FLYWCH1: variants seen among roughly 807,000 people sequenced by gnomAD.
FLYWCH1 encodes the protein FLYWCH-type zinc finger 1.
FLYWCH1 carries 75 observed loss-of-function variants against 66.4 expected under a neutral mutation model. The ratio of observed to expected loss-of-function variants is 1.13; its 90% CI spans 0.94 to 1.37. The LOEUF is 1.37. Among genes scored for constraint, FLYWCH1 ranks in the 40% most tolerant of loss-of-function variants. FLYWCH1 has a pLI of 0.00. For synonymous variants in FLYWCH1, 595 were observed against 429.9 expected, an observed-to-expected ratio of 1.38 and a Z score of -4.75; for missense variants, 1,334 against 1,001.8, an observed-to-expected ratio of 1.33 and a Z score of -4.48.
In FLYWCH1 at chr16:2,938,535, G is replaced by A. The variant is rs2150990161; in HGVS notation, c.2050+79G>A. On this transcript the variant is annotated intron_variant, in intron 8 of 9. Coordinates refer to ENST00000253928, the MANE Select transcript of FLYWCH1 (RefSeq NM_001308068.2). ...AGCTCAGAACTGATGCCCCAGGCCA[G>A]GCACCCACTGAGCAGACTGCTTTTG... The A allele has an allele frequency of 3.6e-6, 5 of 1,377,038 alleles. No individual in the cohort carries two copies. In the East Asian group the frequency reaches 1.0e-4, roughly 29 times the overall value. The allele number at this position is 1,377,038 out of a possible 1,614,324, so 85.3% of individuals were successfully genotyped here.
rs574927511 is a variant in FLYWCH1, at chr16:2,933,688, C to A, written c.1250-28C>A. The A allele has an allele frequency of 7.5e-6, 12 of 1,601,170 alleles. No individual in the cohort carries two copies. The South Asian group carries it at 1.1e-4, about 15-fold the overall frequency. ...CAGGCCTACCCAGCCCCTGTCCCCT[C>A]CCCTGACTGCCTCTTGAACCTCCCC... On this transcript the variant is annotated intron_variant, in intron 5 of 9. Transcript: ENST00000253928.
At position 2,933,424 on chromosome 16, in the gene FLYWCH1, C is replaced by A. The variant is rs768508975; in HGVS notation, c.1091C>A (p.Thr364Lys). 3 of 1,601,080 alleles carry A rather than the reference C, an allele frequency of 1.9e-6. No individual in the cohort carries two copies. The highest frequency in any genetic ancestry group is 2.6e-6 in the Non-Finnish European group (3 of 1,174,638). The change falls in exon 5 of 10, where the codon ACG becomes AAG. Residue 364 changes from threonine to lysine, a missense_variant. Thr to Lys is a moderately conservative substitution (Grantham distance 78). Transcript: ENST00000253928. ...GACGGCCCTGGGAGCCAAGTGGACACGCTGCTCCGAGGCGTGGATAGTTTG... is the reference window on the plus strand; with the variant it reads ...GACGGCCCTGGGAGCCAAGTGGACAAGCTGCTCCGAGGCGTGGATAGTTTG... ...GQDGPGSQVD[T>K]LLRGVDSLLY...
Position 2,937,288 on chromosome 16 carries a change from G to T in FLYWCH1, c.1681G>T (p.Val561Phe). Residue 561 changes from valine (V) to phenylalanine (F), a missense_variant, in exon 7 of 10, where the codon GTC (valine) becomes TTC (phenylalanine). Physicochemically the swap from Val to Phe is conservative, Grantham distance 50. Transcript: ENST00000253928. ...RAITQGRRVM[V>F]MRRHCHPPDL... ...CATCACCCAGGGCCGGCGGGTCATG[G>T]TCATGCGCAGGCACTGCCACCCACC... 6.2e-7 allele frequency: 1 copy of T among 1,604,604 alleles called. No individual in the cohort carries two copies. Among genetic ancestry groups the T allele is most frequent in the Non-Finnish European group, 8.5e-7 (1 of 1,176,706 alleles).
chr16:2,929,684 G>A lies in FLYWCH1; in HGVS notation c.-2G>A. 1 of 1,609,106 alleles carries A rather than the reference G, an allele frequency of 6.2e-7. No individual in the cohort carries two copies. Among genetic ancestry groups the A allele is most frequent in the South Asian group, 1.1e-5 (1 of 90,548 alleles). On this transcript the variant is annotated 5_prime_UTR_variant, in exon 3 of 10. Transcript: ENST00000253928. Reference sequence around the variant, plus strand: ...CCTGAGGGACAGGCCCTGGGTCCCGGGATGCCCCTGCCCGAGCCCAGCGAG... The same window carrying A: ...CCTGAGGGACAGGCCCTGGGTCCCGAGATGCCCCTGCCCGAGCCCAGCGAG...
chr16:2,930,301 G>A (rs1185431332), intron 3 of FLYWCH1, 109 bp from the exon 4 acceptor site: 6 of 701,906 alleles, frequency 8.5e-6, no homozygotes, highest in South Asian at 2.1e-5. Context: ...GGGAGCAGGA[G>A]GAGAAGGCAC....
At chr16:2,934,555 G>A in intron 6 of FLYWCH1, 3 of 442,880 alleles carry the variant, frequency 6.8e-6, no homozygotes, top group South Asian at 4.8e-5. Flanking sequence ...ATAGCGTCTG[G>A]CTGAGGAGCC....
intron 4 of FLYWCH1, among the ~76,000 whole-genome samples, chr16:2,932,163 C>A (rs940603615): frequency 2.0e-5 from 3 of 148,804 alleles, no homozygotes; most frequent in Non-Finnish European, 3.0e-5. Flanking sequence ...CGCCTGCAAT[C>A]CCAGTTACTC....
intron 2 of FLYWCH1, among the ~76,000 whole-genome samples, chr16:2,928,261 G>A (rs916636001): frequency 6.6e-6 from 1 of 152,178 alleles, no homozygotes; most frequent in African/African-American, 2.4e-5. Context: ...TACCTCAACA[G>A]CAAAGAGGTT....
intron 1 of FLYWCH1, 67 bp downstream of exon 1, chr16:2,912,221 C>T (rs1336746081): frequency 6.6e-6 from 1 of 152,306 alleles, no homozygotes; most frequent in Non-Finnish European, 1.5e-5. Context: ...CGCAGCCCGG[C>T]TCTCCCGGGG....
intron 9 of FLYWCH1, among the ~76,000 whole-genome samples, chr16:2,943,886 A>G (rs2071371824): frequency 1.3e-5 from 2 of 151,454 alleles, no homozygotes; most frequent in African/African-American, 2.4e-5. Context: ...GCAGTGAGCC[A>G]AGATCACGAC....
intron 2 of FLYWCH1, among the ~76,000 whole-genome samples, chr16:2,924,997 A>T (rs1372998674): frequency 2.0e-5 from 3 of 152,188 alleles, no homozygotes; most frequent in Non-Finnish European, 4.4e-5. Context: ...TGTCAGGCCA[A>T]GCTTGACGCA....
At chr16:2,937,060 C>T (rs2071034967) in intron 6 of FLYWCH1, 61 bp from the exon 7 acceptor site, 12 of 1,491,868 alleles carry the variant, frequency 8.0e-6, no homozygotes, top group South Asian at 1.3e-5. Context: ...ATCTCGGGGC[C>T]ATGCTGATCT....
chr16:2,938,462 G>A lies in FLYWCH1; in HGVS notation c.2050+6G>A. 1 of 1,518,356 alleles carries A rather than the reference G, an allele frequency of 6.6e-7. No individual in the cohort carries two copies. The highest frequency in any genetic ancestry group is 1.4e-5 in the African/African-American group (1 of 71,794). The allele number at this position is 1,518,356 out of a possible 1,614,324, so 94.1% of individuals were successfully genotyped here. A position where few individuals can be genotyped will look rare whatever the true frequency, so the allele number is the denominator to read the frequency against. ...GGCCCAGCAGGAGGACCCAGGTACA[G>A]GCAGGCTGTGGGGCAGAGGCAGGGC... On this transcript the variant is annotated splice_donor_region_variant and intron_variant, in intron 8 of 9. Coordinates refer to ENST00000253928, the MANE Select transcript of FLYWCH1 (RefSeq NM_001308068.2).
intron 7 of FLYWCH1, 115 bp from the exon 8 acceptor site, chr16:2,938,069 C>T (rs1444886976): frequency 1.6e-5 from 16 of 1,011,898 alleles, no homozygotes; most frequent in Admixed American, 5.3e-5. Flanking sequence ...CACCGTGCAG[C>T]GTGCTAGGGG....
Position 2,933,527 on chromosome 16 carries a change from G to A in FLYWCH1, c.1194G>A (p.Glu398=). The A allele has an allele frequency of 6.2e-7, 1 of 1,611,412 alleles. No homozygotes were observed. The highest frequency in any genetic ancestry group is 8.5e-7 in the Non-Finnish European group (1 of 1,178,834). The change falls in exon 5 of 10, where the codon GAG becomes GAA. Residue 398 remains glutamate, a synonymous_variant. Coordinates refer to ENST00000253928, the MANE Select transcript of FLYWCH1 (RefSeq NM_001308068.2). ...AGCGAGCAAAGGTCGAAGACCAGGAGCTGCCAACCCAGCCCGAGGCCCCAG... is the reference window on the plus strand; with the variant it reads ...AGCGAGCAAAGGTCGAAGACCAGGAACTGCCAACCCAGCCCGAGGCCCCAG... ...PRKRAKVEDQ[E]LPTQPEAPDE...
chr16:2,938,061 C>T, intron 7 of FLYWCH1, 123 bp from the exon 8 acceptor site: 1 of 938,822 alleles, frequency 1.1e-6, no homozygotes, highest in Non-Finnish European at 1.6e-6. Flanking sequence ...GCAGGGACCA[C>T]CGTGCAGCGT....
chr16:2,937,409 G>A (rs778260204), intron 7 of FLYWCH1, 25 bp downstream of exon 7: 3 of 1,506,036 alleles, frequency 2.0e-6, no homozygotes, highest in Non-Finnish European at 2.6e-6. Flanking sequence ...TGCTGGGCTG[G>A]GTCTGCCTGG....
chr16:2,918,773 A>G (rs1314479452), intron 2 of FLYWCH1, among the ~76,000 whole-genome samples: 2 of 152,074 alleles, frequency 1.3e-5, no homozygotes, highest in East Asian at 3.9e-4. Context: ...CATGTAAAAT[A>G]AAATTCGCCA....
At chr16:2,920,324 A>G (rs1023369897) in intron 2 of FLYWCH1, among the ~76,000 whole-genome samples, 1 of 152,016 alleles carries the variant, frequency 6.6e-6, no homozygotes, top group East Asian at 1.9e-4. Flanking sequence ...AGCCTGGCCA[A>G]AATGGTGAAA....
Sources: allele counts gnomAD v4.1 joint callset (sites outside exome capture counted in the v4.1 genomes callset), GRCh38; gene constraint gnomAD v4.1.1; transcripts MANE v1.5; gene names NCBI Gene and HGNC (gene_info 2026-07-23, HGNC 2026-07-21).